P4HA1: variants seen among roughly 807,000 people sequenced by gnomAD.
P4HA1 encodes prolyl 4-hydroxylase subunit alpha 1.
A neutral mutation model predicts 72.8 loss-of-function variants in P4HA1; 24 were observed. The observed-to-expected ratio is 0.33, with a 90% confidence interval of 0.24 to 0.46. The LOEUF is 0.46. Ranked by LOEUF, P4HA1 falls within the 20% of genes least tolerant of loss-of-function variation. The pLI, the probability that P4HA1 is intolerant of heterozygous loss-of-function variation, is 1.00. For synonymous variants in P4HA1, 201 were observed against 218.8 expected (o/e 0.92, Z 0.72); for missense variants, 446 against 640.6 (o/e 0.70, Z 3.28).
At chr10:73,071,879 A>AT (rs1841573751) in intron 4 of P4HA1, 150 bp downstream of exon 4, 1 of 499,180 alleles carries the variant, frequency 2.0e-6, no homozygotes, top group Admixed American at 3.2e-5. Context: ...TTTTGACTAA[A>AT]TTAACTCTAT....
intron 1 of P4HA1, among the ~76,000 whole-genome samples, chr10:73,087,307 C>T (rs1474657908): frequency 2.1e-5 from 3 of 141,772 alleles, no homozygotes; most frequent in African/African-American, 5.2e-5. Context: ...CTCACTCTGT[C>T]GCCCAGGCTG....
intron 1 of P4HA1, among the ~76,000 whole-genome samples, chr10:73,094,412 G>C (rs927662774): frequency 6.6e-6 from 1 of 152,134 alleles, no homozygotes; most frequent in Non-Finnish European, 1.5e-5. Context: ...GGGGCAGGAA[G>C]TGACATACAA....
At chr10:73,009,639 T>C in intron 14 of P4HA1, 168 bp downstream of exon 14, 1 of 517,956 alleles carries the variant, frequency 1.9e-6, no homozygotes, top group Non-Finnish European at 3.5e-6. Context: ...TCATCAAAAT[T>C]CTGATTTCAA....
At chr10:73,023,710 TAA>T (rs1227110139) in intron 10 of P4HA1, among the ~76,000 whole-genome samples, 2 of 148,328 alleles carry the variant, frequency 1.3e-5, no homozygotes, top group African/African-American at 5.0e-5. Context: ...GCAAATTGGA[TAA>T]AGAGTCAAGA....
chr10:73,036,788 C>T (rs1840585744), intron 9 of P4HA1, among the ~76,000 whole-genome samples: 1 of 152,158 alleles, frequency 6.6e-6, no homozygotes, highest in Non-Finnish European at 1.5e-5. Context: ...AATCTGTCTT[C>T]AGTGACATTA....
intron 1 of P4HA1, among the ~76,000 whole-genome samples, chr10:73,082,023 A>G (rs1841836456): frequency 6.6e-6 from 1 of 152,222 alleles, no homozygotes; most frequent in Non-Finnish European, 1.5e-5. Context: ...CTCAAAACAA[A>G]AACAAAACAT....
intron 5 of P4HA1, among the ~76,000 whole-genome samples, chr10:73,058,090 G>GAAAAAAAAAAAAAAA (rs869244017): frequency 4.3e-5 from 1 of 23,060 alleles, no homozygotes; most frequent in African/African-American, 1.4e-4. Flanking sequence ...ACTCCGTCCA[G>GAAAAAAAAAAAAAAA]AAAAAAAAAA....
chr10:73,069,576 T>C (rs1589617603), intron 4 of P4HA1, among the ~76,000 whole-genome samples: 1 of 152,148 alleles, frequency 6.6e-6, no homozygotes, highest in South Asian at 2.1e-4. Context: ...AAACATGACG[T>C]TGATCAACCA....
intron 9 of P4HA1, chr10:73,043,938 T>G: frequency 6.2e-7 from 1 of 1,613,132 alleles, no homozygotes; most frequent in Non-Finnish European, 8.5e-7. Flanking sequence ...CTCAGGGTCA[T>G]GTACTGTAGC....
chr10:73,036,366 C>T (rs1195816475), intron 9 of P4HA1, among the ~76,000 whole-genome samples: 2 of 151,900 alleles, frequency 1.3e-5, no homozygotes, highest in African/African-American at 4.8e-5. Context: ...TTTAATTTGA[C>T]TTTCATGTAA....
Position 73,071,900 on chromosome 10 carries a change from T to C in P4HA1, c.325+129A>G, listed in dbSNP as rs1841573915. ...CTAAATTAACTCTATTCAAACCAAA[T>C]GCACCCAGGCATAATCCAGTTACAA... On this transcript the variant is annotated intron_variant, in intron 4 of 14. Coordinates refer to ENST00000394890, the MANE Select transcript of P4HA1 (RefSeq NM_001017962.3). 8.4e-6 allele frequency: 5 copies of C among 591,844 alleles called. No homozygotes were observed. In the East Asian group the frequency reaches 1.1e-4, roughly 13 times the overall value. The allele number at this position is 591,844 out of a possible 1,614,324, so 36.7% of individuals were successfully genotyped here. A position where few individuals can be genotyped will look rare whatever the true frequency, so the allele number is the denominator to read the frequency against.
At chr10:73,020,340 C>T (rs1301338311) in intron 10 of P4HA1, among the ~76,000 whole-genome samples, 3 of 151,924 alleles carry the variant, frequency 2.0e-5, no homozygotes, top group African/African-American at 2.4e-5. Flanking sequence ...CCTCCCAAGA[C>T]TGAAACAGAA....
intron 11 of P4HA1, among the ~76,000 whole-genome samples, chr10:73,016,225 G>T (rs991973315): frequency 1.3e-5 from 2 of 152,128 alleles, no homozygotes; most frequent in African/African-American, 2.4e-5. Context: ...CCTGACTTCA[G>T]CAAGAATCCT....
At chr10:73,048,689 A>G (rs533158375) in intron 7 of P4HA1, among the ~76,000 whole-genome samples, 1 of 152,230 alleles carries the variant, frequency 6.6e-6, no homozygotes, top group Non-Finnish European at 1.5e-5. Flanking sequence ...AAGAGCAATA[A>G]AAATTTCTGC....
intron 5 of P4HA1, among the ~76,000 whole-genome samples, chr10:73,059,168 C>G: frequency 6.6e-6 from 1 of 151,540 alleles, no homozygotes; most frequent in Non-Finnish European, 1.5e-5. Context: ...GTAAAACTAA[C>G]AAAATGGTCA....
chr10:73,008,407 A>C, intron 14 of P4HA1, 115 bp from the exon 15 acceptor site: 1 of 665,544 alleles, frequency 1.5e-6, no homozygotes, highest in Non-Finnish European at 2.6e-6. Context: ...TTCAACACCA[A>C]AACCGGATAA....
At chr10:73,067,353 C>G (rs141501623) in intron 5 of P4HA1, among the ~76,000 whole-genome samples, 5 of 152,290 alleles carry the variant, frequency 3.3e-5, no homozygotes, top group African/African-American at 1.2e-4. Context: ...AATCTCCATT[C>G]GGCAGCCAGA....
intron 10 of P4HA1, among the ~76,000 whole-genome samples, chr10:73,018,552 C>A (rs1840062490): frequency 6.6e-6 from 1 of 152,154 alleles, no homozygotes; most frequent in African/African-American, 2.4e-5. Context: ...TCCTGCTGTA[C>A]CTGGCCTCAG....
In P4HA1 at chr10:73,037,556, TATATATATATATA is replaced by T. The variant is rs1157547176; in HGVS notation, c.1149-7199_1149-7187del. ...ATATATATATATATATATATATATA[TATATATATATATA>T]TATTTTTTTTTTTTTTTTTTTACAA... On this transcript the variant is annotated intron_variant, in intron 9 of 14. Coordinates refer to ENST00000394890, the MANE Select transcript of P4HA1 (RefSeq NM_001017962.3). Among the ~76,000 whole-genome samples, 138 of 35,394 alleles carry T rather than the reference TATATATATATATA, an allele frequency of 3.9e-3. 8 individuals are homozygous for T. Among genetic ancestry groups the T allele is most frequent in the South Asian group, 0.011 (13 of 1,174 alleles). The allele number at this position is 35,394 out of a possible 152,430, so 23.2% of individuals were successfully genotyped here. A position where few individuals can be genotyped will look rare whatever the true frequency, so the allele number is the denominator to read the frequency against.
Sources: allele counts gnomAD v4.1 joint callset (sites outside exome capture counted in the v4.1 genomes callset), GRCh38; gene constraint gnomAD v4.1.1; transcripts MANE v1.5; gene names NCBI Gene and HGNC (gene_info 2026-07-23, HGNC 2026-07-21).